The following PDCD4 variants were observed in gnomAD, a reference collection of about 807,000 sequenced individuals.
PDCD4 encodes the protein programmed cell death protein 4.
A neutral mutation model predicts 54.0 loss-of-function variants in PDCD4; 56 were observed. The observed-to-expected ratio is 1.04, with a 90% CI of 0.84 to 1.30. The LOEUF (loss-of-function observed/expected upper bound fraction) is 1.30, where lower values mean the gene tolerates loss of function less well. Among genes scored for constraint, PDCD4 ranks in the 50% most tolerant of loss-of-function variants. The pLI is 0.00. For missense variants in PDCD4, 584 were observed against 559.8 expected (o/e 1.04, Z -0.44); for synonymous variants, 186 against 194.8 (o/e 0.95, Z 0.37).
rs1020507419 is a variant in PDCD4 at position 110,876,581 on chromosome 10, T to A, written c.43+511T>A. The A allele has an allele frequency of 3.7e-5, 15 of 409,020 alleles. No homozygotes were observed. In the South Asian group the frequency reaches 1.6e-3, roughly 44 times the overall value. The allele number at this position is 409,020 out of a possible 1,614,324, so 25.3% of individuals were successfully genotyped here. ...AATAGTGAGCCTGCTTATTTTCACATGGGCTAGTTAGTGATTTCTGTAATA... is the reference window on the plus strand; with the variant it reads ...AATAGTGAGCCTGCTTATTTTCACAAGGGCTAGTTAGTGATTTCTGTAATA... On this transcript the variant is annotated intron_variant, in intron 2 of 11. Transcript: ENST00000280154.
Position 110,881,439 on chromosome 10 carries a change from G to A in PDCD4, c.250G>A (p.Ala84Thr), listed in dbSNP as rs375978756. ...TTCGGTCAGCGACAGTGGGAGTGACGCCCTTAGAAGTGGATTAACTGTGCC... is the reference window on the plus strand; with the variant it reads ...TTCGGTCAGCGACAGTGGGAGTGACACCCTTAGAAGTGGATTAACTGTGCC... ...GDSVSDSGSDALRSGLTVPTS... is the reference protein window; with the variant it reads ...GDSVSDSGSDTLRSGLTVPTS... Residue 84 changes from alanine (A) to threonine (T), a missense_variant, in exon 3 of 12, where the codon GCC (alanine) becomes ACC (threonine). By Grantham distance (58) the Ala-to-Thr change is moderately conservative. Transcript: ENST00000280154. The A allele has an allele frequency of 4.0e-5, 64 of 1,614,052 alleles. No homozygotes were observed. Among genetic ancestry groups the A allele is most frequent in the East Asian group, 4.5e-5 (2 of 44,894 alleles).
At chr10:110,886,809 A>G (rs1017007282) in intron 5 of PDCD4, among the ~76,000 whole-genome samples, 1 of 152,200 alleles carries the variant, frequency 6.6e-6, no homozygotes, top group Non-Finnish European at 1.5e-5. Flanking sequence ...CAGCTATTAT[A>G]TTTCTAAAAG....
chr10:110,878,764 G>C (rs996436747), intron 2 of PDCD4, among the ~76,000 whole-genome samples: 1 of 152,138 alleles, frequency 6.6e-6, no homozygotes, highest in African/African-American at 2.4e-5. Context: ...GTAAAATGAG[G>C]ATAAACAGTT....
At chr10:110,895,865 A>T in intron 10 of PDCD4, 83 bp from the exon 11 acceptor site, 1 of 1,029,516 alleles carries the variant, frequency 9.7e-7, no homozygotes, top group South Asian at 1.9e-5. Flanking sequence ...TTAAATACAA[A>T]TTGATGACAT....
intron 5 of PDCD4, among the ~76,000 whole-genome samples, chr10:110,886,520 T>C (rs1222057844): frequency 6.6e-6 from 1 of 152,068 alleles, no homozygotes; most frequent in African/African-American, 2.4e-5. Context: ...GCTGTGAAAA[T>C]AGTTTTGGCA....
chr10:110,876,811 AAGTT>A, intron 2 of PDCD4: 1 of 567,826 alleles, frequency 1.8e-6, no homozygotes, highest in South Asian at 4.1e-5. Flanking sequence ...ATCTCCCAAA[AAGTT>A]AATTAGAATT....
Position 110,898,260 on chromosome 10 carries a change from C to CTT in PDCD4, c.*181_*182dup. On this transcript the variant is annotated 3_prime_UTR_variant, in exon 12 of 12. Transcript: ENST00000280154. Reference sequence around the variant, plus strand: ...GGAATTTTTAAAGGAAATGTTTTTTCTTTTTTTTTTGTTTTTCGAGGGGGC... The same window carrying CTT: ...GGAATTTTTAAAGGAAATGTTTTTTCTTTTTTTTTTTTGTTTTTCGAGGGGGC... 2.9e-6 allele frequency: 1 copy of CTT among 339,686 alleles called. No individual in the cohort carries two copies. The highest frequency in any genetic ancestry group is 5.1e-6 in the Non-Finnish European group (1 of 197,262). The allele number at this position is 339,686 out of a possible 1,614,324, so 21.0% of individuals were successfully genotyped here.
Position 110,885,302 on chromosome 10 carries a change from T to C in PDCD4, c.491T>C (p.Phe164Ser). Residue 164 changes from phenylalanine (F) to serine (S), a missense_variant, in exon 5 of 12, where the codon TTT becomes TCT. Phe to Ser is a radical substitution (Grantham distance 155). Coordinates refer to ENST00000280154, the MANE Select transcript of PDCD4 (RefSeq NM_014456.5). Reference protein sequence around the residue: ...TVVLPLDERAFEKTLTPIIQE... With the variant: ...TVVLPLDERASEKTLTPIIQE... ...GTTTTGCCTTTGGATGAAAGGGCAT[T>C]TGAGAAGACTTTAACACCAATCATA... 6 of 1,601,726 alleles carry C rather than the reference T, an allele frequency of 3.7e-6. No homozygotes were observed. Among genetic ancestry groups the C allele is most frequent in the Non-Finnish European group, 5.1e-6 (6 of 1,170,468 alleles).
At chr10:110,874,678 A>G (rs560650410) in intron 1 of PDCD4, among the ~76,000 whole-genome samples, 32 of 152,304 alleles carry the variant, frequency 2.1e-4, no homozygotes, top group African/African-American at 7.7e-4. Context: ...TGAGGATTAT[A>G]CCATAGTAAG....
intron 1 of PDCD4, among the ~76,000 whole-genome samples, chr10:110,873,913 T>C (rs11558147): frequency 0.11 from 16,517 of 152,248 alleles, 1,369 homozygotes; most frequent in East Asian, 0.25. Flanking sequence ...CGGAATGCCT[T>C]CTGTATAATA....
chr10:110,883,136 T>A (rs879480091), intron 4 of PDCD4, 39 bp downstream of exon 4: 1 of 1,327,386 alleles, frequency 7.5e-7, no homozygotes, highest in African/African-American at 1.5e-5. Flanking sequence ...TTAAAATGTT[T>A]ATGAACTTTT....
chr10:110,891,118 C>A (rs1336948677), intron 8 of PDCD4, among the ~76,000 whole-genome samples: 3 of 152,046 alleles, frequency 2.0e-5, no homozygotes, highest in Non-Finnish European at 4.4e-5. Flanking sequence ...ATTCACTACC[C>A]ATATGCATGT....
At position 110,874,668 on chromosome 10, in the gene PDCD4, T is replaced by C. The variant is rs181546482; in HGVS notation, c.-62-1298T>C. On this transcript the variant is annotated intron_variant, in intron 1 of 11. Transcript: ENST00000280154. Reference sequence around the variant, plus strand: ...CAAGCAATATGATAGCATATTAGTCTGAGGATTATACCATAGTAAGAAGCC... The same window carrying C: ...CAAGCAATATGATAGCATATTAGTCCGAGGATTATACCATAGTAAGAAGCC... Among the ~76,000 whole-genome samples, 9 of 152,194 alleles carry C rather than the reference T, an allele frequency of 5.9e-5. No individual in the cohort carries two copies. The East Asian group carries it at 1.7e-3, about 29-fold the overall frequency.
intron 1 of PDCD4, among the ~76,000 whole-genome samples, chr10:110,874,410 C>A (rs1198405409): frequency 6.6e-6 from 1 of 152,126 alleles, no homozygotes. Context: ...ATATGTATTT[C>A]ATGCATGGAA....
intron 1 of PDCD4, among the ~76,000 whole-genome samples, chr10:110,874,743 G>C (rs1431172765): frequency 1.3e-5 from 2 of 151,940 alleles, no homozygotes; most frequent in African/African-American, 4.8e-5. Context: ...AAATAATACC[G>C]TTTTCTGAAG....
At chr10:110,880,438 C>T (rs139669126) in intron 2 of PDCD4, 2 of 152,138 alleles carry the variant, frequency 1.3e-5, no homozygotes, top group South Asian at 4.1e-4. Context: ...GTATGTTGAT[C>T]TCTTTCAGAA....
chr10:110,896,239 C>T, intron 11 of PDCD4, 152 bp downstream of exon 11: 1 of 619,828 alleles, frequency 1.6e-6, no homozygotes, highest in Non-Finnish European at 2.8e-6. Flanking sequence ...CTTGTTTTAG[C>T]CCCCTTGTAA....
Position 110,898,083 on chromosome 10 carries a change from T to C in PDCD4, c.1405T>C (p.Tyr469His), listed in dbSNP as rs1244270078. The C allele has an allele frequency of 1.9e-6, 3 of 1,572,288 alleles. No individual in the cohort carries two copies. Among genetic ancestry groups the C allele is most frequent in the East Asian group, 2.3e-5 (1 of 43,940 alleles). The change falls in exon 12 of 12, where the codon TAC becomes CAC. Residue 469 changes from tyrosine (Y) to histidine (H), a missense_variant. By Grantham distance (83) the Tyr-to-His change is moderately conservative (BLOSUM62 2). Transcript: ENST00000280154. ...TGGAGGTCGTCTTAAACCAGAGAGC[T>C]ACTGAATATAAGAACTCTTGCAGTC... Reference protein sequence around the residue: ...GDGGRLKPESY With the variant: ...GDGGRLKPESH
At chr10:110,877,469 A>T (rs1284221094) in intron 2 of PDCD4, among the ~76,000 whole-genome samples, 2 of 152,212 alleles carry the variant, frequency 1.3e-5, no homozygotes, top group African/African-American at 4.8e-5. Flanking sequence ...TGTTGAGATG[A>T]TATGGTTATA....
Sources: gnomAD v4.1 joint callset for allele counts (sites outside exome capture counted in the v4.1 genomes callset) on GRCh38, gnomAD v4.1.1 for gene constraint, MANE v1.5 for transcripts, NCBI Gene and HGNC (gene_info 2026-07-23, HGNC 2026-07-21) for gene names.